Variants in ST18 observed in about 807,000 individuals in gnomAD.
The protein encoded by ST18 is suppression of tumorigenicity 18 protein.
Under a neutral mutation model 110.0 loss-of-function variants are expected in ST18, and 50 were observed. That is an observed-to-expected ratio of 0.45 (90% CI 0.36 to 0.58). ST18 has a LOEUF of 0.58. Among genes scored for constraint, ST18 ranks in the 20% least tolerant of loss-of-function variants. The pLI, the probability that ST18 is intolerant of heterozygous loss-of-function variation, is 0.00. For missense variants in ST18, 1,306 were observed against 1,280.1 expected (o/e 1.02, Z -0.31); for synonymous variants, 461 against 452.4 (o/e 1.02, Z -0.24).
chr8:52,316,833 T>C (rs1021551172), intron 2 of ST18, among the ~76,000 whole-genome samples: 12 of 152,184 alleles, frequency 7.9e-5, no homozygotes, highest in African/African-American at 2.9e-4. Context: ...TTTTACTGTA[T>C]TAGCAAGGAC....
chr8:52,252,024 T>C (rs1343007045), intron 2 of ST18, among the ~76,000 whole-genome samples: 1 of 152,106 alleles, frequency 6.6e-6, no homozygotes, highest in Admixed American at 6.6e-5. Flanking sequence ...GTTATATTTT[T>C]TTGATATGTT....
intron 23 of ST18, among the ~76,000 whole-genome samples, chr8:52,119,605 A>C (rs1200099969): frequency 6.6e-6 from 1 of 152,202 alleles, no homozygotes; most frequent in Non-Finnish European, 1.5e-5. Context: ...TTCCTTAGGT[A>C]CACACCCAAA....
Position 52,342,488 on chromosome 8 carries a change from G to A in ST18, c.-465+66840C>T, listed in dbSNP as rs370631934. On this transcript the variant is annotated intron_variant, in intron 2 of 25. Transcript: ENST00000689386. The stretch of plus-strand genomic sequence containing the variant: ...TATGGTTTATGATGTTCCAGACCAC[G>A]ATGGAGATGAGAACATGAGTGTTAG... Among the ~76,000 whole-genome samples the A allele has an allele frequency of 3.9e-5, 6 of 152,208 alleles. 1 individual carries two copies. Among genetic ancestry groups the A allele is most frequent in the Non-Finnish European group, 8.8e-5 (6 of 68,036 alleles).
At chr8:52,286,115 G>C (rs1223782987) in intron 2 of ST18, among the ~76,000 whole-genome samples, 2 of 152,168 alleles carry the variant, frequency 1.3e-5, no homozygotes, top group Non-Finnish European at 1.5e-5. Flanking sequence ...TCGTTTGGCT[G>C]CCTAGAATAA....
intron 2 of ST18, among the ~76,000 whole-genome samples, chr8:52,311,628 T>A (rs545192422): frequency 6.6e-6 from 1 of 152,146 alleles, no homozygotes; most frequent in African/African-American, 2.4e-5. Flanking sequence ...AAACTTACAA[T>A]CATGGCAGAA....
chr8:52,123,599 A>C (rs1216878253), intron 23 of ST18, among the ~76,000 whole-genome samples: 1 of 152,198 alleles, frequency 6.6e-6, no homozygotes, highest in Admixed American at 6.5e-5. Flanking sequence ...GTACTTTTCC[A>C]GTTAGTTACC....
At chr8:52,196,013 G>A (rs2076080937) in intron 8 of ST18, among the ~76,000 whole-genome samples, 1 of 151,810 alleles carries the variant, frequency 6.6e-6, no homozygotes, top group Non-Finnish European at 1.5e-5. Context: ...CCCTCATTTA[G>A]TATTTCATCT....
intron 13 of ST18, 90 bp from the exon 14 acceptor site, chr8:52,161,658 C>G: frequency 1.4e-6 from 2 of 1,420,366 alleles, no homozygotes; most frequent in Non-Finnish European, 1.9e-6. Context: ...ATACATGTGT[C>G]ACTCCTGAAG....
chr8:52,111,892 A>C lies in ST18; in HGVS notation c.*1306T>G, dbSNP rs1006171125. The C allele has an allele frequency of 4.7e-4, 72 of 152,576 alleles. No individual in the cohort carries two copies. The highest frequency in any genetic ancestry group is 1.6e-3 in the African/African-American group (68 of 41,502). 9.5% of individuals were successfully genotyped at this position (152,576 alleles called of 1,614,324 possible). A position where few individuals can be genotyped will look rare whatever the true frequency, so the allele number is the denominator to read the frequency against. ...TTGCCTTTACTATAGAAACTATGAA[A>C]CTCTGATCCGTTCAGAAATTCAAGA... On this transcript the variant is annotated 3_prime_UTR_variant, in exon 26 of 26. Coordinates refer to ENST00000689386, the MANE Select transcript of ST18 (RefSeq NM_001352837.2).
At chr8:52,326,107 G>A (rs1564501289) in intron 2 of ST18, among the ~76,000 whole-genome samples, 2 of 152,184 alleles carry the variant, frequency 1.3e-5, no homozygotes, top group African/African-American at 4.8e-5. Context: ...AATTTGAAAA[G>A]CCTTGTGCCT....
chr8:52,126,251 T>C, intron 22 of ST18, 111 bp from the exon 23 acceptor site: 1 of 1,019,834 alleles, frequency 9.8e-7, no homozygotes, highest in Non-Finnish European at 1.4e-6. Context: ...ATTAATTACA[T>C]TATAACCCAC....
chr8:52,210,876 C>T (rs1196365991), intron 8 of ST18, among the ~76,000 whole-genome samples: 1 of 152,098 alleles, frequency 6.6e-6, no homozygotes, highest in African/African-American at 2.4e-5. Flanking sequence ...ACGGTGACAG[C>T]CTGTGTTTTA....
chr8:52,218,866 C>G (rs1366990499), intron 5 of ST18, among the ~76,000 whole-genome samples: 1 of 148,014 alleles, frequency 6.8e-6, no homozygotes. Flanking sequence ...TGGGGACTCA[C>G]AGCAATGGTG....
intron 25 of ST18, among the ~76,000 whole-genome samples, chr8:52,114,894 T>C (rs938351897): frequency 6.6e-6 from 1 of 152,228 alleles, no homozygotes; most frequent in Non-Finnish European, 1.5e-5. Context: ...GTGTGGTGAG[T>C]ATACAAGGCA....
chr8:52,388,126 T>C (rs1474937295), intron 2 of ST18, among the ~76,000 whole-genome samples: 2 of 152,210 alleles, frequency 1.3e-5, no homozygotes, highest in African/African-American at 4.8e-5. Context: ...TCCAACGTGA[T>C]TGATATACTA....
intron 6 of ST18, 137 bp from the exon 7 acceptor site, chr8:52,214,394 G>T (rs1299834628): frequency 2.0e-5 from 15 of 767,524 alleles, no homozygotes; most frequent in Middle Eastern, 3.0e-4. Context: ...CGGCTCTATA[G>T]TACATAACTG....
intron 2 of ST18, among the ~76,000 whole-genome samples, chr8:52,341,309 T>A (rs1361295898): frequency 6.6e-6 from 1 of 152,226 alleles, no homozygotes; most frequent in African/African-American, 2.4e-5. Flanking sequence ...ACGGTTGACT[T>A]TGAGTTGAAA....
At chr8:52,357,731 A>ATATATATATATATATAT (rs61702309) in intron 2 of ST18, among the ~76,000 whole-genome samples, 1 of 116,660 alleles carries the variant, frequency 8.6e-6, no homozygotes, top group Non-Finnish European at 1.8e-5. Flanking sequence ...ATATATATAT[A>ATATATATATATATATAT]AAACAGACTC....
intron 2 of ST18, among the ~76,000 whole-genome samples, chr8:52,382,630 T>TGAAAG (rs766477227): frequency 4.0e-5 from 6 of 151,300 alleles, no homozygotes; most frequent in Admixed American, 2.0e-4. Context: ...TGAACGGAGA[T>TGAAAG]GAAAGGAAAG....
Sources: gnomAD v4.1 joint callset for allele counts (sites outside exome capture counted in the v4.1 genomes callset) on GRCh38, gnomAD v4.1.1 for gene constraint, MANE v1.5 for transcripts, NCBI Gene and HGNC (gene_info 2026-07-23, HGNC 2026-07-21) for gene names.